CNTNAP5: variants seen among roughly 807,000 people sequenced by gnomAD.
CNTNAP5 encodes contactin associated protein family member 5, also known as contactin-associated protein-like 5.
A neutral mutation model predicts 150.2 loss-of-function variants in CNTNAP5; 72 were observed. That is an observed-to-expected ratio of 0.48 (90% CI 0.40 to 0.58). The LOEUF (loss-of-function observed/expected upper bound fraction) is 0.58. CNTNAP5 is among the 20% of genes least tolerant of loss of function. The pLI is 0.00. For missense variants in CNTNAP5, 1,636 were observed against 1,626.2 expected (o/e 1.01, Z -0.10); for synonymous variants, 672 against 619.8 (o/e 1.08, Z -1.25).
intron 14 of CNTNAP5, among the ~76,000 whole-genome samples, chr2:124,749,906 G>T (rs1487032022): frequency 1.3e-5 from 2 of 152,058 alleles, no homozygotes; most frequent in Non-Finnish European, 2.9e-5. Flanking sequence ...CCCTTAATTG[G>T]GCTGAAGGGC....
At position 124,748,201 on chromosome 2, in the gene CNTNAP5, AT is replaced by A. The variant is rs371044116; in HGVS notation, c.2234+818del. 1.5e-3 allele frequency among the ~76,000 whole-genome samples: 230 copies of A among 152,218 alleles called. 2 individuals carry two copies. Among genetic ancestry groups the A allele is most frequent in the African/African-American group, 5.3e-3 (221 of 41,554 alleles). On this transcript the variant is annotated intron_variant, in intron 14 of 23. Transcript: ENST00000682447. ...TTAAGCATCTATTAAATTTCATATA[AT>A]TATCTTACTTTTGCTTCTTAATGTT...
intron 13 of CNTNAP5, among the ~76,000 whole-genome samples, chr2:124,657,499 A>C (rs1678483962): frequency 6.6e-6 from 1 of 152,094 alleles, no homozygotes; most frequent in African/African-American, 2.4e-5. Flanking sequence ...ACCATACTAG[A>C]CAAGTGCAGT....
intron 11 of CNTNAP5, among the ~76,000 whole-genome samples, chr2:124,584,251 G>A (rs1573475238): frequency 6.6e-6 from 1 of 152,308 alleles, no homozygotes; most frequent in African/African-American, 2.4e-5. Flanking sequence ...AGCTTCCGGA[G>A]CTTTAAAATA....
chr2:124,770,077 A>T (rs1195830757), intron 16 of CNTNAP5, among the ~76,000 whole-genome samples: 1 of 152,208 alleles, frequency 6.6e-6, no homozygotes, highest in Non-Finnish European at 1.5e-5. Context: ...ATAAAGTTAA[A>T]TAATAATAAT....
Position 124,526,946 on chromosome 2 carries a change from A to G in CNTNAP5, c.1478-339A>G, listed in dbSNP as rs189115581. Among the ~76,000 whole-genome samples, 8 of 152,324 alleles carry G rather than the reference A, an allele frequency of 5.3e-5. No homozygotes were observed. The East Asian group carries it at 1.5e-3, about 29-fold the overall frequency. On this transcript the variant is annotated intron_variant, in intron 9 of 23. Coordinates refer to ENST00000682447, the MANE Select transcript of CNTNAP5 (RefSeq NM_001367498.1). ...ACAGAACCAAAATTCTGAAGCAGCT[A>G]TAATACATTTCTTCCTTGGGATGAG...
intron 8 of CNTNAP5, among the ~76,000 whole-genome samples, chr2:124,511,668 A>ATCAACCCAAGGCTCT (rs1227826736): frequency 1.3e-5 from 2 of 152,226 alleles, no homozygotes; most frequent in African/African-American, 4.8e-5. Flanking sequence ...CAAAGAAATC[A>ATCAACCCAAGGCTCT]TCAACCCAAG....
At chr2:124,880,165 G>T (rs1677937978) in intron 21 of CNTNAP5, among the ~76,000 whole-genome samples, 1 of 152,120 alleles carries the variant, frequency 6.6e-6, no homozygotes, top group Admixed American at 6.6e-5. Context: ...AAAGCTCACT[G>T]TCACTTAGGA....
intron 10 of CNTNAP5, among the ~76,000 whole-genome samples, chr2:124,562,754 G>A (rs1404504549): frequency 6.6e-6 from 1 of 152,060 alleles, no homozygotes; most frequent in Non-Finnish European, 1.5e-5. Context: ...TGTTGTCTTT[G>A]TGCAGTTTAA....
At chr2:124,476,709 A>G (rs894581100) in intron 7 of CNTNAP5, among the ~76,000 whole-genome samples, 2 of 152,090 alleles carry the variant, frequency 1.3e-5, no homozygotes, top group Non-Finnish European at 2.9e-5. Context: ...CTTCCCATAT[A>G]CCACCCTGGC....
chr2:124,438,723 C>A (rs1370688674), intron 5 of CNTNAP5, among the ~76,000 whole-genome samples: 1 of 152,166 alleles, frequency 6.6e-6, no homozygotes, highest in Non-Finnish European at 1.5e-5. Context: ...AGCCAACTCA[C>A]ACATATTTAT....
chr2:124,260,886 T>C (rs1687436293), intron 3 of CNTNAP5, among the ~76,000 whole-genome samples: 1 of 152,170 alleles, frequency 6.6e-6, no homozygotes, highest in Admixed American at 6.5e-5. Context: ...TAGACACACG[T>C]ACACAAATGG....
At chr2:124,331,993 T>A (rs989585139) in intron 3 of CNTNAP5, among the ~76,000 whole-genome samples, 2 of 151,968 alleles carry the variant, frequency 1.3e-5, no homozygotes, top group Non-Finnish European at 2.9e-5. Flanking sequence ...ATAATTTCCT[T>A]TTAATCTTTG....
chr2:124,125,675 T>C (rs1371683955), intron 1 of CNTNAP5, among the ~76,000 whole-genome samples: 1 of 152,148 alleles, frequency 6.6e-6, no homozygotes, highest in Admixed American at 6.5e-5. Flanking sequence ...AAAGCACTCC[T>C]CAGTAAATGT....
chr2:124,364,684 G>T (rs772345732), intron 3 of CNTNAP5, among the ~76,000 whole-genome samples: 25 of 152,192 alleles, frequency 1.6e-4, no homozygotes, highest in Non-Finnish European at 1.6e-4. Context: ...GCAAGAAAGA[G>T]ATATCATGAT....
chr2:124,762,327 A>G (rs541860998), intron 14 of CNTNAP5, among the ~76,000 whole-genome samples: 9 of 152,256 alleles, frequency 5.9e-5, no homozygotes, highest in African/African-American at 2.2e-4. Context: ...ATGAATTAAT[A>G]TGTTTTTCTC....
chr2:124,167,262 G>T (rs768627000), intron 1 of CNTNAP5, among the ~76,000 whole-genome samples: 1 of 152,012 alleles, frequency 6.6e-6, no homozygotes, highest in Non-Finnish European at 1.5e-5. Context: ...TGTTGCTTCT[G>T]CTCCTCAACA....
At chr2:124,538,905 A>G (rs553874406) in intron 10 of CNTNAP5, among the ~76,000 whole-genome samples, 3 of 152,312 alleles carry the variant, frequency 2.0e-5, no homozygotes, top group South Asian at 4.1e-4. Context: ...TCCCGATAAG[A>G]GCCTTCCATC....
chr2:124,769,625 GC>G (rs1481619755), intron 16 of CNTNAP5, among the ~76,000 whole-genome samples: 1 of 152,174 alleles, frequency 6.6e-6, no homozygotes, highest in East Asian at 1.9e-4. Context: ...GTTATACTGG[GC>G]CACAGTGGGA....
At chr2:124,040,164 A>C (rs1438658903) in intron 1 of CNTNAP5, among the ~76,000 whole-genome samples, 1 of 152,180 alleles carries the variant, frequency 6.6e-6, no homozygotes, top group East Asian at 1.9e-4. Context: ...GCGTTCAATA[A>C]TCATTCTTTG....
Sources: gnomAD v4.1 joint callset for allele counts (sites outside exome capture counted in the v4.1 genomes callset) on GRCh38, gnomAD v4.1.1 for gene constraint, MANE v1.5 for transcripts, NCBI Gene and HGNC (gene_info 2026-07-23, HGNC 2026-07-21) for gene names.